LDAH: variants seen among roughly 807,000 people sequenced by gnomAD.
LDAH encodes the protein lipid droplet-associated hydrolase.
Under a neutral mutation model 29.6 loss-of-function variants are expected in LDAH, and 26 were observed. The observed-to-expected ratio is 0.88, with a 90% CI of 0.64 to 1.22. The LOEUF is 1.22. Among genes scored for constraint, LDAH ranks in the 50% most tolerant of loss-of-function variants. The probability of loss-of-function intolerance (pLI) is 0.00; values close to 1 mark genes in which losing one functional copy is unlikely to be tolerated. For synonymous variants in LDAH, 117 were observed against 133.0 expected (o/e 0.88, Z 0.83); for missense variants, 344 against 387.3 (o/e 0.89, Z 0.94).
At chr2:20,815,770 A>C (rs1276111148) in intron 1 of LDAH, among the ~76,000 whole-genome samples, 1 of 152,092 alleles carries the variant, frequency 6.6e-6, no homozygotes, top group Non-Finnish European at 1.5e-5. Flanking sequence ...GGTTCTCCTA[A>C]AAAAAAGTTC....
intron 4 of LDAH, among the ~76,000 whole-genome samples, chr2:20,763,941 A>G (rs1259404638): frequency 6.7e-6 from 1 of 150,368 alleles, no homozygotes; most frequent in African/African-American, 2.4e-5. Context: ...GAAATTTTCC[A>G]TGCTTGGTTT....
chr2:20,804,065 C>T (rs1671903172), intron 1 of LDAH, among the ~76,000 whole-genome samples: 1 of 152,194 alleles, frequency 6.6e-6, no homozygotes, highest in Non-Finnish European at 1.5e-5. Context: ...TTCCTCTAAA[C>T]TCACAGCATC....
intron 4 of LDAH, among the ~76,000 whole-genome samples, chr2:20,756,185 C>T (rs1668328246): frequency 1.3e-5 from 2 of 152,116 alleles, no homozygotes; most frequent in South Asian, 2.1e-4. Context: ...CAAGTGTGCG[C>T]CACCATGCCC....
chr2:20,793,599 T>C (rs1671110647), intron 2 of LDAH, among the ~76,000 whole-genome samples: 3 of 152,164 alleles, frequency 2.0e-5, no homozygotes, highest in Admixed American at 6.6e-5. Flanking sequence ...AATCATGTGA[T>C]ACCTTTTGGG....
intron 4 of LDAH, among the ~76,000 whole-genome samples, chr2:20,751,075 C>T (rs145435321): frequency 9.8e-5 from 15 of 152,314 alleles, no homozygotes; most frequent in East Asian, 9.6e-4. Context: ...GGATCTGTAT[C>T]GCAAACCTCA....
intron 5 of LDAH, among the ~76,000 whole-genome samples, chr2:20,722,860 G>A (rs905195659): frequency 1.3e-5 from 2 of 152,142 alleles, no homozygotes; most frequent in Non-Finnish European, 2.9e-5. Context: ...CCAAGTGTTG[G>A]TGAGCAAATG....
intron 1 of LDAH, among the ~76,000 whole-genome samples, chr2:20,807,864 T>C (rs1486596101): frequency 6.7e-6 from 1 of 150,216 alleles, no homozygotes; most frequent in Non-Finnish European, 1.5e-5. Flanking sequence ...CAAAAAAAGA[T>C]ATAAATATAT....
chr2:20,794,620 T>C (rs1392754960), intron 2 of LDAH, among the ~76,000 whole-genome samples: 1 of 152,096 alleles, frequency 6.6e-6, no homozygotes, highest in Non-Finnish European at 1.5e-5. Flanking sequence ...ATCCACCACA[T>C]TAACCAACCG....
intron 4 of LDAH, among the ~76,000 whole-genome samples, chr2:20,749,405 A>G (rs1454674872): frequency 6.6e-6 from 1 of 152,232 alleles, no homozygotes; most frequent in Non-Finnish European, 1.5e-5. Context: ...ATATTGTGAA[A>G]CATGTATACT....
intron 5 of LDAH, among the ~76,000 whole-genome samples, chr2:20,727,520 A>C (rs913049269): frequency 6.6e-6 from 1 of 152,240 alleles, no homozygotes; most frequent in Non-Finnish European, 1.5e-5. Flanking sequence ...GTAATCTACC[A>C]GAAATTCCCT....
At chr2:20,763,138 C>G (rs1273767228) in intron 4 of LDAH, among the ~76,000 whole-genome samples, 3 of 152,192 alleles carry the variant, frequency 2.0e-5, no homozygotes, top group Non-Finnish European at 4.4e-5. Flanking sequence ...CCTGAACAAG[C>G]TGATATCAGC....
chr2:20,707,589 C>A (rs1302024693), intron 5 of LDAH, among the ~76,000 whole-genome samples: 3 of 152,266 alleles, frequency 2.0e-5, no homozygotes, highest in Non-Finnish European at 1.5e-5. Flanking sequence ...GAGAACGCTC[C>A]AGAGATCTGC....
rs1415733592 is a variant in LDAH at position 20,731,139 on chromosome 2, T to C, written c.703+8832A>G. Among the ~76,000 whole-genome samples, 6 of 152,248 alleles carry C rather than the reference T, an allele frequency of 3.9e-5. No individual in the cohort carries two copies. In the South Asian group the frequency reaches 6.2e-4, roughly 16 times the overall value. ...AATATGCATATCAATTTAGGAAGAA[T>C]TGACATCTGATATGGTTTGGATTTG... On this transcript the variant is annotated intron_variant, in intron 5 of 6. Coordinates refer to ENST00000237822, the MANE Select transcript of LDAH (RefSeq NM_021925.4).
intron 4 of LDAH, among the ~76,000 whole-genome samples, chr2:20,774,571 T>C (rs1286252608): frequency 6.6e-6 from 1 of 152,250 alleles, no homozygotes; most frequent in African/African-American, 2.4e-5. Context: ...AACCCTAGAT[T>C]CAAAGGCATT....
intron 6 of LDAH, among the ~76,000 whole-genome samples, chr2:20,697,265 C>T (rs1385530010): frequency 6.6e-6 from 1 of 152,178 alleles, no homozygotes; most frequent in Non-Finnish European, 1.5e-5. Flanking sequence ...TAGATTCCTC[C>T]ATCTCCATTC....
intron 1 of LDAH, among the ~76,000 whole-genome samples, chr2:20,807,948 AC>A (rs1228428685): frequency 2.7e-5 from 4 of 150,838 alleles, no homozygotes; most frequent in African/African-American, 7.4e-5. Flanking sequence ...AAAAAAAAAA[AC>A]CCTTACATAT....
intron 5 of LDAH, among the ~76,000 whole-genome samples, chr2:20,714,496 T>A (rs1213693371): frequency 2.0e-5 from 3 of 152,044 alleles, no homozygotes; most frequent in African/African-American, 7.2e-5. Flanking sequence ...GCAAGCAAAT[T>A]CGACAGCTAG....
intron 3 of LDAH, among the ~76,000 whole-genome samples, chr2:20,777,305 T>C (rs1218145780): frequency 3.3e-5 from 5 of 152,242 alleles, no homozygotes; most frequent in African/African-American, 1.2e-4. Context: ...AACTATTCAG[T>C]AGATTTTCAA....
chr2:20,710,254 T>G (rs60864623), intron 5 of LDAH, among the ~76,000 whole-genome samples: 3,301 of 152,110 alleles, frequency 0.022, 114 homozygotes, highest in African/African-American at 0.076. Context: ...AGAGGTGACA[T>G]CTCTGCAGAT....
Sources: allele counts gnomAD v4.1 joint callset (sites outside exome capture counted in the v4.1 genomes callset), GRCh38; gene constraint gnomAD v4.1.1; transcripts MANE v1.5; gene names NCBI Gene and HGNC (gene_info 2026-07-23, HGNC 2026-07-21).